SLC9A9: variants seen among roughly 807,000 people sequenced by gnomAD.
SLC9A9 encodes sodium/hydrogen exchanger 9.
Under a neutral mutation model 77.8 loss-of-function variants are expected in SLC9A9, and 62 were observed. The ratio of observed to expected loss-of-function variants is 0.80; its 90% CI spans 0.65 to 0.98. The LOEUF is 0.98. SLC9A9 is among the 50% of genes least tolerant of loss of function. SLC9A9 has a pLI of 0.00. For missense variants in SLC9A9, 775 were observed against 774.9 expected, an observed-to-expected ratio of 1.00 and a Z score of 0.00; for synonymous variants, 320 against 283.5, an observed-to-expected ratio of 1.13 and a Z score of -1.29.
At chr3:143,600,811 T>C (rs1037433634) in intron 6 of SLC9A9, among the ~76,000 whole-genome samples, 3 of 152,220 alleles carry the variant, frequency 2.0e-5, no homozygotes, top group Non-Finnish European at 4.4e-5. Flanking sequence ...TCTCCACAAA[T>C]GTTTTCAACT....
At chr3:143,769,728 A>T (rs747358837) in intron 4 of SLC9A9, among the ~76,000 whole-genome samples, 3 of 152,242 alleles carry the variant, frequency 2.0e-5, no homozygotes, top group Non-Finnish European at 4.4e-5. Flanking sequence ...GGAAAAGGTC[A>T]ATAAAGTACA....
intron 11 of SLC9A9, among the ~76,000 whole-genome samples, chr3:143,487,773 A>G (rs918886640): frequency 6.6e-6 from 1 of 151,778 alleles, no homozygotes; most frequent in African/African-American, 2.4e-5. Context: ...TTAAACACTT[A>G]CATTAAAAAA....
intron 6 of SLC9A9, among the ~76,000 whole-genome samples, chr3:143,619,870 C>T (rs146977791): frequency 1.3e-3 from 202 of 152,310 alleles, no homozygotes; most frequent in Non-Finnish European, 2.6e-3. Context: ...AAGAGCCCAT[C>T]GCATTAAGTT....
chr3:143,574,175 G>C lies in SLC9A9; in HGVS notation c.913C>G (p.Leu305Val), dbSNP rs1390100182. Residue 305 changes from leucine to valine, a missense_variant, in exon 8 of 16, where the codon CTG becomes GTG. Leu to Val is a conservative substitution (Grantham distance 32). Coordinates refer to ENST00000316549, the MANE Select transcript of SLC9A9 (RefSeq NM_173653.4). The part of the protein sequence containing the change: ...ITALLTKFTK[L>V]CEFPMLETGL... ...GTTTCCAGCATCGGGAACTCACACAGCTTGGTAAATTTGGTCAAGTGAGGA... is the reference window on the plus strand; with the variant it reads ...GTTTCCAGCATCGGGAACTCACACACCTTGGTAAATTTGGTCAAGTGAGGA... The C allele has an allele frequency of 1.2e-6, 2 of 1,613,120 alleles. No homozygotes were observed. Among genetic ancestry groups the C allele is most frequent in the African/African-American group, 2.7e-5 (2 of 74,878 alleles).
At chr3:143,656,237 G>C (rs536773878) in intron 5 of SLC9A9, among the ~76,000 whole-genome samples, 6 of 152,176 alleles carry the variant, frequency 3.9e-5, no homozygotes, top group Non-Finnish European at 5.9e-5. Context: ...GTCTGTAAGA[G>C]AAAAACTGTA....
intron 14 of SLC9A9, among the ~76,000 whole-genome samples, chr3:143,342,923 A>G (rs1337695762): frequency 6.6e-6 from 1 of 152,176 alleles, no homozygotes; most frequent in Non-Finnish European, 1.5e-5. Flanking sequence ...TATGTGAACA[A>G]ATTGTCAAAA....
intron 4 of SLC9A9, among the ~76,000 whole-genome samples, chr3:143,717,504 TAAG>T (rs1374209603): frequency 1.3e-5 from 2 of 152,078 alleles, no homozygotes; most frequent in African/African-American, 2.4e-5. Flanking sequence ...TCTTGGAAAA[TAAG>T]AAGATCTGGC....
At chr3:143,808,430 G>C (rs923527365) in intron 2 of SLC9A9, among the ~76,000 whole-genome samples, 1 of 152,116 alleles carries the variant, frequency 6.6e-6, no homozygotes, top group African/African-American at 2.4e-5. Context: ...AATTCTACTA[G>C]GTTTTGTATT....
intron 12 of SLC9A9, among the ~76,000 whole-genome samples, chr3:143,413,780 C>CTGTGTGTGTG (rs3068538): frequency 2.0e-5 from 3 of 150,198 alleles, no homozygotes; most frequent in African/African-American, 7.3e-5. Context: ...GTATTATTAA[C>CTGTGTGTGTG]TGTGTGTGTG....
intron 12 of SLC9A9, among the ~76,000 whole-genome samples, chr3:143,450,011 C>T (rs1200166652): frequency 4.0e-5 from 4 of 100,178 alleles, no homozygotes; most frequent in East Asian, 2.8e-4. Context: ...TACATATATG[C>T]ATATATACAT....
At chr3:143,401,890 G>A (rs2033868493) in intron 12 of SLC9A9, among the ~76,000 whole-genome samples, 1 of 152,150 alleles carries the variant, frequency 6.6e-6, no homozygotes, top group African/African-American at 2.4e-5. Flanking sequence ...TTAAACCTAT[G>A]AATTCCATAC....
At chr3:143,795,684 G>C (rs1002532466) in intron 3 of SLC9A9, among the ~76,000 whole-genome samples, 3 of 152,144 alleles carry the variant, frequency 2.0e-5, no homozygotes, top group African/African-American at 7.2e-5. Flanking sequence ...AGCCATAATC[G>C]TACCATTGTA....
chr3:143,331,198 GTT>G (rs1251897529), intron 14 of SLC9A9, among the ~76,000 whole-genome samples: 1 of 152,124 alleles, frequency 6.6e-6, no homozygotes, highest in Non-Finnish European at 1.5e-5. Context: ...CAGCTGATCA[GTT>G]TTGCCACACA....
At chr3:143,484,271 A>C (rs1033980732) in intron 11 of SLC9A9, among the ~76,000 whole-genome samples, 17 of 152,164 alleles carry the variant, frequency 1.1e-4, no homozygotes, top group African/African-American at 3.4e-4. Flanking sequence ...TTCTGGGTTG[A>C]GTGGGTTTTG....
intron 14 of SLC9A9, among the ~76,000 whole-genome samples, chr3:143,304,534 G>T (rs1275430396): frequency 1.3e-5 from 2 of 152,180 alleles, no homozygotes; most frequent in African/African-American, 4.8e-5. Context: ...CTTCATCTTG[G>T]CAGCATTCAG....
At position 143,795,298 on chromosome 3, in the gene SLC9A9, A is replaced by AC. The variant is rs1560083137; in HGVS notation, c.457-222_457-221insG. On this transcript the variant is annotated intron_variant, in intron 3 of 15. Transcript: ENST00000316549. ...AAGAAGCAGAAAAAAAAAAAAAAAAAAACCCACTGGAAGATGAGTAGGTAG... is the reference window on the plus strand; with the variant it reads ...AAGAAGCAGAAAAAAAAAAAAAAAAACAACCCACTGGAAGATGAGTAGGTAG... 2.9e-4 allele frequency among the ~76,000 whole-genome samples: 41 copies of AC among 140,284 alleles called. No individual in the cohort carries two copies. In the South Asian group the frequency reaches 4.2e-3, roughly 14 times the overall value. 92.0% of individuals were successfully genotyped at this position (140,284 alleles called of 152,430 possible).
chr3:143,678,830 G>C (rs1428473846), intron 5 of SLC9A9, among the ~76,000 whole-genome samples: 3 of 152,160 alleles, frequency 2.0e-5, no homozygotes. Context: ...TGAATTGGAG[G>C]AAAGTAGAAT....
chr3:143,619,045 T>C (rs2038153995), intron 6 of SLC9A9, among the ~76,000 whole-genome samples: 1 of 152,192 alleles, frequency 6.6e-6, no homozygotes, highest in South Asian at 2.1e-4. Flanking sequence ...AAAGAATTGT[T>C]CTTTAGCAAC....
rs138091936 is a variant in SLC9A9 at position 143,656,545 on chromosome 3, T to C, written c.650-4185A>G. 1.9e-3 allele frequency among the ~76,000 whole-genome samples: 295 copies of C among 152,294 alleles called. 1 individual carries two copies. The highest frequency in any genetic ancestry group is 3.6e-3 in the Non-Finnish European group (243 of 68,020). On this transcript the variant is annotated intron_variant, in intron 5 of 15. Coordinates refer to ENST00000316549, the MANE Select transcript of SLC9A9 (RefSeq NM_173653.4). Reference sequence around the variant, plus strand: ...ACAGCCCCTTCCCTAGAATCTCCATTAGCAGCTCTATGACCCCTATTTTCT... The same window carrying C: ...ACAGCCCCTTCCCTAGAATCTCCATCAGCAGCTCTATGACCCCTATTTTCT...
Sources: allele counts gnomAD v4.1 joint callset (sites outside exome capture counted in the v4.1 genomes callset), GRCh38; gene constraint gnomAD v4.1.1; transcripts MANE v1.5; gene names NCBI Gene and HGNC (gene_info 2026-07-23, HGNC 2026-07-21).